Variants in TBC1D9 observed in about 807,000 individuals in gnomAD.
The protein encoded by TBC1D9 is TBC1 domain family member 9A.
A neutral mutation model predicts 132.0 loss-of-function variants in TBC1D9; 63 were observed. The observed-to-expected ratio is 0.48, with a 90% CI of 0.39 to 0.59. The LOEUF is 0.59. Among genes scored for constraint, TBC1D9 ranks in the 20% least tolerant of loss-of-function variants. The pLI is 0.00. For missense variants in TBC1D9, 1,261 were observed against 1,592.7 expected (o/e 0.79, Z 3.54); for synonymous variants, 610 against 609.9 (o/e 1.00, Z 0.00).
At position 140,669,686 on chromosome 4, in the gene TBC1D9, G is replaced by T. The variant is rs368726894; in HGVS notation, c.1385C>A (p.Thr462Asn). Reference sequence around the variant, plus strand: ...CCGCCGCCGATACATGGTCATCAGGGTCTGTGTGGCTGTGGGGACGCTGTT... The same window carrying T: ...CCGCCGCCGATACATGGTCATCAGGTTCTGTGTGGCTGTGGGGACGCTGTT... ...NGNSVPTATQ[T>N]LMTMYRRRSP... Residue 462 changes from threonine to asparagine, a missense_variant, in exon 8 of 21, where the codon ACC becomes AAC. Around this residue, in one of 3 missense-constraint regions of TBC1D9, gnomAD observed 550 missense variants for 699.0 expected, o/e 0.79. Transcript: ENST00000442267. 1.3e-5 allele frequency: 21 copies of T among 1,613,856 alleles called. No individual in the cohort carries two copies. Among genetic ancestry groups the T allele is most frequent in the Non-Finnish European group, 1.6e-5 (19 of 1,179,886 alleles).
chr4:140,688,539 A>T (rs1737824620), intron 2 of TBC1D9, among the ~76,000 whole-genome samples: 1 of 152,082 alleles, frequency 6.6e-6, no homozygotes, highest in Non-Finnish European at 1.5e-5. Context: ...GTGGTAGCAC[A>T]CACCCATAGT....
intron 2 of TBC1D9, among the ~76,000 whole-genome samples, chr4:140,700,340 C>T (rs2111038482): frequency 6.6e-6 from 1 of 151,516 alleles, no homozygotes; most frequent in South Asian, 2.1e-4. Context: ...ATCCCAGCTA[C>T]TTGGGAGGCT....
At chr4:140,660,115 C>T (rs571092891) in intron 10 of TBC1D9, among the ~76,000 whole-genome samples, 4 of 152,272 alleles carry the variant, frequency 2.6e-5, no homozygotes, top group African/African-American at 4.8e-5. Context: ...TGTAACTTTC[C>T]GTAATGGTTT....
chr4:140,697,028 T>C (rs1369992140), intron 2 of TBC1D9, among the ~76,000 whole-genome samples: 1 of 152,182 alleles, frequency 6.6e-6, no homozygotes, highest in Non-Finnish European at 1.5e-5. Flanking sequence ...CTTAAAATCT[T>C]ATCATGAAAA....
rs538535399 is a variant in TBC1D9, at chr4:140,730,722, T to C, written c.130+25194A>G. ...GCCTGGGCAACAGAGCAAGACTCCG[T>C]CTCAAAAAAACAAAAATAAAAACAA... On this transcript the variant is annotated intron_variant, in intron 1 of 20. Transcript: ENST00000442267. Among the ~76,000 whole-genome samples the C allele has an allele frequency of 7.2e-5, 11 of 151,996 alleles. No homozygotes were observed. In the East Asian group the frequency reaches 2.1e-3, roughly 29 times the overall value.
chr4:140,628,149 C>CT (rs1736736916), intron 17 of TBC1D9, 151 bp downstream of exon 17: 1 of 649,996 alleles, frequency 1.5e-6, no homozygotes, highest in Non-Finnish European at 2.7e-6. Context: ...GATTCAAGAA[C>CT]TTATGGAAAT....
intron 6 of TBC1D9, among the ~76,000 whole-genome samples, chr4:140,672,711 C>T (rs1737557374): frequency 6.6e-6 from 1 of 152,114 alleles, no homozygotes; most frequent in African/African-American, 2.4e-5. Flanking sequence ...AGAACTCTAT[C>T]ACATAAGCTC....
At chr4:140,748,376 A>C (rs372027537) in intron 1 of TBC1D9, among the ~76,000 whole-genome samples, 83 of 152,314 alleles carry the variant, frequency 5.4e-4, no homozygotes, top group South Asian at 2.5e-3. Flanking sequence ...GAGATGTCTA[A>C]CATACATGTA....
At chr4:140,721,048 C>T (rs1020917379) in intron 1 of TBC1D9, among the ~76,000 whole-genome samples, 6 of 152,150 alleles carry the variant, frequency 3.9e-5, no homozygotes, top group Non-Finnish European at 2.9e-5. Context: ...GGACTTGCAC[C>T]GCACCTAACT....
At chr4:140,742,637 A>C (rs188299219) in intron 1 of TBC1D9, among the ~76,000 whole-genome samples, 2 of 151,922 alleles carry the variant, frequency 1.3e-5, no homozygotes, top group African/African-American at 4.8e-5. Context: ...TGGGTTATTG[A>C]CTTCTTCACA....
chr4:140,624,004 C>T, intron 20 of TBC1D9, 112 bp downstream of exon 20: 4 of 788,988 alleles, frequency 5.1e-6, no homozygotes, highest in Non-Finnish European at 3.7e-6. Context: ...TAAGTAAAGG[C>T]CCCAGTTATT....
rs575081803 is a variant in TBC1D9 at position 140,661,045 on chromosome 4, G to A, written c.1803+848C>T. On this transcript the variant is annotated intron_variant, in intron 10 of 20. Coordinates refer to ENST00000442267, the MANE Select transcript of TBC1D9 (RefSeq NM_015130.3). ...TTCTCCTGCCTCAGCCTCCCGAGTA[G>A]CTGGGACTACAGGCACCTGCCACCA... is the stretch of plus-strand genomic sequence containing the variant. Among the ~76,000 whole-genome samples the A allele has an allele frequency of 1.9e-3, 283 of 152,222 alleles. 1 individual carries two copies. The highest frequency in any genetic ancestry group is 3.2e-3 in the Non-Finnish European group (216 of 68,014).
chr4:140,721,505 C>G (rs755099604), intron 1 of TBC1D9, among the ~76,000 whole-genome samples: 4 of 152,040 alleles, frequency 2.6e-5, no homozygotes, highest in African/African-American at 4.8e-5. Flanking sequence ...TGTGGAGTGT[C>G]GATGCATCAG....
chr4:140,622,838 G>T lies in TBC1D9; in HGVS notation c.3158C>A (p.Thr1053Lys), dbSNP rs760841047. 1 of 1,597,900 alleles carries T rather than the reference G, an allele frequency of 6.3e-7. No individual in the cohort carries two copies. Among genetic ancestry groups the T allele is most frequent in the Non-Finnish European group, 8.5e-7 (1 of 1,175,088 alleles). Residue 1053 changes from threonine to lysine, a missense_variant, in exon 21 of 21, where the codon ACG (threonine) becomes AAG (lysine). Thr to Lys is a moderately conservative substitution (Grantham distance 78). Around this residue, in one of 3 missense-constraint regions of TBC1D9, gnomAD observed 618 missense variants for 724.4 expected, o/e 0.85. Coordinates refer to ENST00000442267, the MANE Select transcript of TBC1D9 (RefSeq NM_015130.3). The part of the protein sequence containing the change: ...DPNEQELYHA[T>K]AAVTSLLLEI... ...CAGCAGGAGGCTGGTCACTGCTGCC[G>T]TGGCGTGGTACAGCTCCTGCTCATT...
At chr4:140,643,402 C>CCAGGGTGTT (rs58999614) in intron 13 of TBC1D9, 805,654 of 1,089,368 alleles carry the variant, frequency 0.74, 300,669 homozygotes, top group African/African-American at 0.85. Context: ...ATGGCCACCT[C>CCAGGGTGTT]CATGCCAGCC....
At chr4:140,654,553 C>A (rs1737236793) in intron 13 of TBC1D9, among the ~76,000 whole-genome samples, 1 of 152,064 alleles carries the variant, frequency 6.6e-6, no homozygotes, top group Non-Finnish European at 1.5e-5. Context: ...CCCACAAAAC[C>A]TTGGTCCAGA....
intron 9 of TBC1D9, among the ~76,000 whole-genome samples, chr4:140,668,504 C>T (rs769206948): frequency 6.6e-6 from 1 of 152,134 alleles, no homozygotes; most frequent in Non-Finnish European, 1.5e-5. Flanking sequence ...TATTTCTTTC[C>T]TCCCAATTCC....
chr4:140,666,585 A>G (rs958953491), intron 9 of TBC1D9, among the ~76,000 whole-genome samples: 2 of 150,982 alleles, frequency 1.3e-5, no homozygotes, highest in Admixed American at 6.6e-5. Flanking sequence ...TGATCCGCCC[A>G]CCTCGGCCTC....
intron 1 of TBC1D9, among the ~76,000 whole-genome samples, chr4:140,708,099 T>C (rs143535152): frequency 4.6e-5 from 7 of 152,340 alleles, no homozygotes; most frequent in Admixed American, 4.6e-4. Context: ...TGAATATTTA[T>C]AATGTGGACC....
Sources: allele counts gnomAD v4.1 joint callset (sites outside exome capture counted in the v4.1 genomes callset), GRCh38; gene constraint gnomAD v4.1.1; regional missense constraint gnomAD v4.1.1; transcripts MANE v1.5; gene names NCBI Gene and HGNC (gene_info 2026-07-23, HGNC 2026-07-21).